Variants in LPAR3 observed in about 807,000 individuals in gnomAD.
LPAR3 encodes lysophosphatidic acid receptor 3.
In LPAR3, 7 loss-of-function variants were observed where a neutral mutation model predicts 17.8. The observed-to-expected ratio is 0.39, with a 90% CI of 0.22 to 0.74. The LOEUF is 0.74. Ranked by LOEUF, LPAR3 falls within the 30% of genes least tolerant of loss-of-function variation. LPAR3 has a pLI of 0.40. For synonymous variants in LPAR3, 179 were observed against 179.9 expected, an observed-to-expected ratio of 0.99 and a Z score of 0.04; for missense variants, 391 against 453.4, an observed-to-expected ratio of 0.86 and a Z score of 1.25.
intron 1 of LPAR3, among the ~76,000 whole-genome samples, chr1:84,875,268 T>C (rs1660235876): frequency 6.6e-6 from 1 of 152,236 alleles, no homozygotes; most frequent in Non-Finnish European, 1.5e-5. Context: ...CAAAGTACCT[T>C]GTCATATGCA....
chr1:84,882,313 T>G (rs993172708), intron 1 of LPAR3, among the ~76,000 whole-genome samples: 8 of 152,116 alleles, frequency 5.3e-5, no homozygotes, highest in African/African-American at 1.4e-4. Context: ...CTGAAAACTA[T>G]AAAACACTGA....
chr1:84,887,663 G>A (rs1329984206), intron 1 of LPAR3, among the ~76,000 whole-genome samples: 1 of 152,160 alleles, frequency 6.6e-6, no homozygotes, highest in Non-Finnish European at 1.5e-5. Flanking sequence ...GGGATGGGTT[G>A]GCACCATGTG....
chr1:84,819,507 T>C (rs1659009101), intron 2 of LPAR3, among the ~76,000 whole-genome samples: 1 of 152,102 alleles, frequency 6.6e-6, no homozygotes, highest in African/African-American at 2.4e-5. Flanking sequence ...GTAACCTATT[T>C]CTCCATGCTG....
At chr1:84,850,765 C>G (rs1659688312) in intron 2 of LPAR3, among the ~76,000 whole-genome samples, 1 of 152,260 alleles carries the variant, frequency 6.6e-6, no homozygotes, top group Non-Finnish European at 1.5e-5. Context: ...AAGATAACCA[C>G]TGGTTAGAAC....
At chr1:84,869,081 G>A (rs1660108285) in intron 1 of LPAR3, among the ~76,000 whole-genome samples, 1 of 152,032 alleles carries the variant, frequency 6.6e-6, no homozygotes, top group Admixed American at 6.6e-5. Context: ...AAAGACATTG[G>A]AATTAAGACA....
chr1:84,869,717 C>A (rs992119569), intron 1 of LPAR3, among the ~76,000 whole-genome samples: 1 of 152,080 alleles, frequency 6.6e-6, no homozygotes, highest in Non-Finnish European at 1.5e-5. Flanking sequence ...TAAATCAAGA[C>A]TTTTAATTAG....
intron 1 of LPAR3, among the ~76,000 whole-genome samples, chr1:84,869,777 A>G (rs1339661941): frequency 6.6e-6 from 1 of 152,236 alleles, no homozygotes; most frequent in African/African-American, 2.4e-5. Flanking sequence ...TATGGCTTTG[A>G]AAAATCAAAA....
intron 1 of LPAR3, among the ~76,000 whole-genome samples, chr1:84,870,892 CA>C (rs1325572283): frequency 1.3e-5 from 2 of 152,158 alleles, no homozygotes; most frequent in Non-Finnish European, 2.9e-5. Context: ...ACAAGAGTTA[CA>C]GAATTACCAA....
At chr1:84,886,424 G>A (rs1660461881) in intron 1 of LPAR3, among the ~76,000 whole-genome samples, 2 of 152,120 alleles carry the variant, frequency 1.3e-5, no homozygotes, top group South Asian at 4.1e-4. Flanking sequence ...TACTTGGGAG[G>A]CTGAGATAGG....
chr1:84,877,638 C>T (rs180870560), intron 1 of LPAR3, among the ~76,000 whole-genome samples: 82 of 152,236 alleles, frequency 5.4e-4, no homozygotes, highest in African/African-American at 1.3e-3. Context: ...CTCTATAATC[C>T]GTACAACTGG....
chr1:84,881,710 G>A (rs887290881), intron 1 of LPAR3, among the ~76,000 whole-genome samples: 7 of 152,170 alleles, frequency 4.6e-5, no homozygotes, highest in Non-Finnish European at 8.8e-5. Flanking sequence ...TCACTCTGCT[G>A]TAGCTTGAAA....
intron 1 of LPAR3, among the ~76,000 whole-genome samples, chr1:84,880,128 G>A (rs766101799): frequency 5.3e-5 from 8 of 152,090 alleles, no homozygotes; most frequent in Admixed American, 6.5e-5. Context: ...TCGGGAGTTC[G>A]AGACCAGCCT....
chr1:84,848,814 G>C (rs561838116), intron 2 of LPAR3, among the ~76,000 whole-genome samples: 1 of 152,134 alleles, frequency 6.6e-6, no homozygotes, highest in Non-Finnish European at 1.5e-5. Context: ...GACAGCATTC[G>C]TTAAGTTTGC....
At chr1:84,875,908 G>A (rs1413258242) in intron 1 of LPAR3, among the ~76,000 whole-genome samples, 1 of 152,148 alleles carries the variant, frequency 6.6e-6, no homozygotes, top group Non-Finnish European at 1.5e-5. Flanking sequence ...GCCAGTAACA[G>A]GTTAACAGTG....
At chr1:84,827,150 T>C (rs1659174552) in intron 2 of LPAR3, among the ~76,000 whole-genome samples, 1 of 152,224 alleles carries the variant, frequency 6.6e-6, no homozygotes, top group Admixed American at 6.5e-5. Flanking sequence ...TAAAAATCAA[T>C]TGTGTACAAT....
chr1:84,869,005 AT>A (rs1318571110), intron 1 of LPAR3, among the ~76,000 whole-genome samples: 1 of 152,204 alleles, frequency 6.6e-6, no homozygotes, highest in African/African-American at 2.4e-5. Context: ...TAAGAGAAAC[AT>A]TTCTAATTTA....
At chr1:84,837,344 T>A (rs1016687134) in intron 2 of LPAR3, among the ~76,000 whole-genome samples, 12 of 152,216 alleles carry the variant, frequency 7.9e-5, no homozygotes, top group African/African-American at 2.9e-4. Context: ...AAAACCACAC[T>A]TGATATAAAT....
In LPAR3 at chr1:84,813,158, T is replaced by TATATATATAGAGAGAGAG. The variant is rs1206774677; in HGVS notation, c.*687_*688insCTCTCTCTCTATATATAT. 1 of 101,696 alleles carries TATATATATAGAGAGAGAG rather than the reference T, an allele frequency of 9.8e-6. No individual in the cohort carries two copies. The highest frequency in any genetic ancestry group is 2.7e-4 in the East Asian group (1 of 3,676). 6.3% of individuals were successfully genotyped at this position (101,696 alleles called of 1,614,324 possible). On this transcript the variant is annotated 3_prime_UTR_variant, in exon 3 of 3. Coordinates refer to ENST00000370611, the MANE Select transcript of LPAR3 (RefSeq NM_012152.3). ...ATATATATATATATATATATATATA[T>TATATATATAGAGAGAGAG]AGACACACACACACACACACACACA...
chr1:84,835,731 G>A (rs1659389931), intron 2 of LPAR3, among the ~76,000 whole-genome samples: 1 of 152,032 alleles, frequency 6.6e-6, no homozygotes, highest in Non-Finnish European at 1.5e-5. Context: ...TGAGATTCTT[G>A]CTAGATTGAC....
Sources: allele counts gnomAD v4.1 joint callset (sites outside exome capture counted in the v4.1 genomes callset), GRCh38; gene constraint gnomAD v4.1.1; transcripts MANE v1.5; gene names NCBI Gene and HGNC (gene_info 2026-07-23, HGNC 2026-07-21).